ANKRD44: variants seen among roughly 807,000 people sequenced by gnomAD.
The protein encoded by ANKRD44 is ankyrin repeat domain 44, also known as serine/threonine-protein phosphatase 6 regulatory ankyrin repeat subunit B.
A neutral mutation model predicts 116.0 loss-of-function variants in ANKRD44; 35 were observed. The observed-to-expected ratio is 0.30, with a 90% CI of 0.23 to 0.40. ANKRD44 has a LOEUF of 0.40. Among genes scored for constraint, ANKRD44 ranks in the 10% least tolerant of loss-of-function variants. The pLI is 1.00. For missense variants in ANKRD44, 1,014 were observed against 1,242.6 expected (o/e 0.82, Z 2.77); for synonymous variants, 435 against 461.8 (o/e 0.94, Z 0.74).
chr2:197,131,261 G>T lies in ANKRD44; in HGVS notation c.262-5224C>A, dbSNP rs575032207. 1.9e-3 allele frequency among the ~76,000 whole-genome samples: 290 copies of T among 150,278 alleles called. 2 individuals carry two copies. The highest frequency in any genetic ancestry group is 3.5e-3 in the Non-Finnish European group (239 of 67,700). On this transcript the variant is annotated intron_variant, in intron 4 of 27. Coordinates refer to ENST00000282272, the MANE Select transcript of ANKRD44 (RefSeq NM_001195144.2). ...GGCTGGAGTGCAGTGGCGCGATCTC[G>T]GCTCACTGCAAGCTCCGCCTCCCGG...
At position 197,213,791 on chromosome 2, in the gene ANKRD44, G is replaced by T. The variant is rs568290731; in HGVS notation, c.28-26685C>A. On this transcript the variant is annotated intron_variant, in intron 1 of 27. Transcript: ENST00000282272. ...AACAGGCAATTCTCACACTTTTAAT[G>T]ATCTGATTTATTAGACCTTCTAAGT... Among the ~76,000 whole-genome samples the T allele has an allele frequency of 4.6e-5, 7 of 152,030 alleles. No individual in the cohort carries two copies. In the South Asian group the frequency reaches 8.3e-4, roughly 18 times the overall value.
chr2:197,180,220 G>C (rs1397536586), intron 2 of ANKRD44, among the ~76,000 whole-genome samples: 1 of 152,190 alleles, frequency 6.6e-6, no homozygotes, highest in African/African-American at 2.4e-5. Context: ...CTGAATATTT[G>C]CTGATCTCAT....
intron 2 of ANKRD44, among the ~76,000 whole-genome samples, chr2:197,157,675 C>CAAA (rs35588359): frequency 2.7e-4 from 22 of 82,754 alleles, no homozygotes; most frequent in East Asian, 1.1e-3. Context: ...GAGACTCTGT[C>CAAA]AAAAAAAAAA....
Position 197,157,705 on chromosome 2 carries a change from C to T in ANKRD44, c.112-10600G>A, listed in dbSNP as rs537883030. On this transcript the variant is annotated intron_variant, in intron 2 of 27. Coordinates refer to ENST00000282272, the MANE Select transcript of ANKRD44 (RefSeq NM_001195144.2). The stretch of plus-strand genomic sequence containing the variant: ...AAAAAAAAAAAAAAAAAAGGTACAA[C>T]CAAGATTCCTCTTCAAAATCTCTTA... Among the ~76,000 whole-genome samples, 5 of 142,402 alleles carry T rather than the reference C, an allele frequency of 3.5e-5. No homozygotes were observed. The East Asian group carries it at 8.5e-4, about 24-fold the overall frequency. The allele number at this position is 142,402 out of a possible 152,430, so 93.4% of individuals were successfully genotyped here. A position where few individuals can be genotyped will look rare whatever the true frequency, so the allele number is the denominator to read the frequency against.
chr2:197,071,579 T>C (rs2077559527), intron 16 of ANKRD44, among the ~76,000 whole-genome samples: 1 of 152,200 alleles, frequency 6.6e-6, no homozygotes, highest in Non-Finnish European at 1.5e-5. Flanking sequence ...TTCAATTCTT[T>C]TATGTTTTTT....
intron 2 of ANKRD44, among the ~76,000 whole-genome samples, chr2:197,183,779 T>C (rs1214055517): frequency 1.3e-5 from 2 of 152,074 alleles, no homozygotes; most frequent in African/African-American, 4.8e-5. Context: ...CTTTATCCAT[T>C]CATTCATTCA....
At position 197,008,991 on chromosome 2, in the gene ANKRD44, T is replaced by G. The variant is rs1477986741; in HGVS notation, c.1965A>C (p.Glu655Asp). 1 of 1,614,100 alleles carries G rather than the reference T, an allele frequency of 6.2e-7. No homozygotes were observed. Among genetic ancestry groups the G allele is most frequent in the Non-Finnish European group, 8.5e-7 (1 of 1,180,034 alleles). Residue 655 changes from glutamate (E) to aspartate (D), a missense_variant, in exon 19 of 28, where the codon GAA becomes GAC. Coordinates refer to ENST00000282272, the MANE Select transcript of ANKRD44 (RefSeq NM_001195144.2). ...GHTLCLRLLL[E>D]IADNPEAVDV... is the part of the protein sequence containing the mutation. The stretch of plus-strand genomic sequence containing the variant: ...CGACCGCCTCCGGGTTGTCTGCAAT[T>G]TCTAGCAACAGCCGTAAACACAGTG...
At chr2:197,093,105 C>T (rs2078079603) in intron 10 of ANKRD44, among the ~76,000 whole-genome samples, 1 of 148,056 alleles carries the variant, frequency 6.8e-6, no homozygotes, top group Non-Finnish European at 1.5e-5. Flanking sequence ...TACAAACACA[C>T]ACACACACAC....
chr2:196,994,739 T>G (rs1377581011), intron 26 of ANKRD44: 1 of 152,194 alleles, frequency 6.6e-6, no homozygotes. Flanking sequence ...GCCAGGCGGG[T>G]CATGAACTCC....
At chr2:197,029,580 A>C in intron 16 of ANKRD44, 1 of 459,790 alleles carries the variant, frequency 2.2e-6, no homozygotes, top group South Asian at 1.6e-5. Context: ...GCAAGTTTCA[A>C]ACTGTTCAGT....
chr2:196,975,542 G>A (rs2075750404), intron 21 of ANKRD44, among the ~76,000 whole-genome samples: 4 of 152,012 alleles, frequency 2.6e-5, no homozygotes, highest in Middle Eastern at 3.4e-3. Flanking sequence ...CCAGCACTTC[G>A]GGAGGCCGAG....
Position 197,153,420 on chromosome 2 carries a change from CA to C in ANKRD44, c.112-6316del, listed in dbSNP as rs575092056. Among the ~76,000 whole-genome samples the C allele has an allele frequency of 7.0e-3, 1,057 of 151,998 alleles. 9 individuals are homozygous for C. The highest frequency in any genetic ancestry group is 0.013 in the Non-Finnish European group (892 of 67,986). On this transcript the variant is annotated intron_variant, in intron 2 of 27. Transcript: ENST00000282272. ...GATATTGAACAGAGATCACTAGAGG[CA>C]AGAAGATGTCTAAAGAAACTCTGAA...
intron 1 of ANKRD44, among the ~76,000 whole-genome samples, chr2:197,238,471 T>C (rs961781841): frequency 5.2e-4 from 79 of 152,214 alleles, no homozygotes; most frequent in Admixed American, 5.2e-3. Context: ...TGGTTGTATC[T>C]TGATCTGTGC....
intron 16 of ANKRD44, among the ~76,000 whole-genome samples, chr2:197,057,489 A>T (rs1015716740): frequency 6.6e-6 from 1 of 152,038 alleles, no homozygotes; most frequent in Non-Finnish European, 1.5e-5. Flanking sequence ...ATTTTTTTTT[A>T]AATTAAGAGA....
intron 17 of ANKRD44, among the ~76,000 whole-genome samples, chr2:197,022,951 C>T (rs982788223): frequency 6.6e-6 from 1 of 152,214 alleles, no homozygotes; most frequent in Non-Finnish European, 1.5e-5. Flanking sequence ...GAGATATTTC[C>T]TCGCCTGTTT....
chr2:197,164,199 T>G (rs2080041979), intron 2 of ANKRD44, among the ~76,000 whole-genome samples: 6 of 152,194 alleles, frequency 3.9e-5, no homozygotes, highest in Admixed American at 3.9e-4. Context: ...TATTCCCACC[T>G]GGCTGAGTGG....
intron 8 of ANKRD44, among the ~76,000 whole-genome samples, chr2:197,113,965 A>G (rs2078650412): frequency 6.6e-6 from 1 of 152,198 alleles, no homozygotes; most frequent in Non-Finnish European, 1.5e-5. Flanking sequence ...ATTTTGGGAC[A>G]ACTTTGTTCA....
intron 1 of ANKRD44, among the ~76,000 whole-genome samples, chr2:197,190,062 A>G (rs536919759): frequency 1.3e-5 from 2 of 152,292 alleles, no homozygotes; most frequent in South Asian, 2.1e-4. Context: ...GCTAAAAGCT[A>G]CTTTATAGAG....
chr2:197,021,617 C>T (rs2076500106), intron 17 of ANKRD44, among the ~76,000 whole-genome samples: 1 of 152,170 alleles, frequency 6.6e-6, no homozygotes, highest in Non-Finnish European at 1.5e-5. Flanking sequence ...AGTGTCTGTT[C>T]ATATCCTTTG....
Sources: gnomAD v4.1 joint callset for allele counts (sites outside exome capture counted in the v4.1 genomes callset) on GRCh38, gnomAD v4.1.1 for gene constraint, MANE v1.5 for transcripts, NCBI Gene and HGNC (gene_info 2026-07-23, HGNC 2026-07-21) for gene names.